PIGU: variants seen among roughly 807,000 people sequenced by gnomAD.
The protein encoded by PIGU is phosphatidylinositol glycan anchor biosynthesis class U, also known as GPI-anchor transamidase component PIGU.
Under a neutral mutation model 49.9 loss-of-function variants are expected in PIGU, and 24 were observed. The observed-to-expected ratio is 0.48, with a 90% CI of 0.35 to 0.68. The LOEUF (loss-of-function observed/expected upper bound fraction) is 0.68. PIGU is among the 30% of genes least tolerant of loss of function. The probability of loss-of-function intolerance (pLI) is 0.01; values close to 1 mark genes in which losing one functional copy is unlikely to be tolerated. For synonymous variants in PIGU, 220 were observed against 205.7 expected, an observed-to-expected ratio of 1.07 and a Z score of -0.59; for missense variants, 490 against 532.6, an observed-to-expected ratio of 0.92 and a Z score of 0.79.
chr20:34,562,863 C>T (rs552488483), intron 11 of PIGU, among the ~76,000 whole-genome samples: 1 of 152,222 alleles, frequency 6.6e-6, no homozygotes, highest in South Asian at 2.1e-4. Context: ...GCAGCCCTTT[C>T]TCACCCAGGC....
chr20:34,613,172 C>A (rs971940475), intron 7 of PIGU, among the ~76,000 whole-genome samples: 1 of 152,094 alleles, frequency 6.6e-6, no homozygotes, highest in African/African-American at 2.4e-5. Flanking sequence ...CTGGTTTGGG[C>A]CCCCAGTTTA....
At chr20:34,569,288 G>T (rs1316980147) in intron 11 of PIGU, among the ~76,000 whole-genome samples, 2 of 152,176 alleles carry the variant, frequency 1.3e-5, no homozygotes, top group Non-Finnish European at 2.9e-5. Flanking sequence ...GGAGTGTAGT[G>T]GCGTGATCTC....
At chr20:34,591,363 A>G (rs1164135431) in intron 7 of PIGU, among the ~76,000 whole-genome samples, 1 of 152,226 alleles carries the variant, frequency 6.6e-6, no homozygotes, top group Non-Finnish European at 1.5e-5. Context: ...CAAATTAGTA[A>G]TCAAATAGAA....
At chr20:34,585,971 C>T (rs985856845) in intron 8 of PIGU, among the ~76,000 whole-genome samples, 10 of 152,108 alleles carry the variant, frequency 6.6e-5, no homozygotes, top group Non-Finnish European at 1.2e-4. Context: ...TAGAGGACCA[C>T]GCTCAAAGAT....
At chr20:34,635,796 AC>A (rs1377991554) in intron 5 of PIGU, among the ~76,000 whole-genome samples, 7 of 151,846 alleles carry the variant, frequency 4.6e-5, no homozygotes, top group Non-Finnish European at 7.4e-5. Context: ...AATGGCTTGA[AC>A]CCGGGAGGCT....
chr20:34,577,367 G>T (rs1983278230), intron 10 of PIGU, among the ~76,000 whole-genome samples: 2 of 152,122 alleles, frequency 1.3e-5, no homozygotes, highest in Admixed American at 6.5e-5. Flanking sequence ...TATACTGGGG[G>T]CTCATGCATT....
At chr20:34,594,666 C>T (rs569771498) in intron 7 of PIGU, among the ~76,000 whole-genome samples, 11 of 152,072 alleles carry the variant, frequency 7.2e-5, no homozygotes, top group African/African-American at 2.7e-4. Context: ...CCCAGCTACT[C>T]GGGAGGCTGG....
chr20:34,615,656 C>T (rs775746731), intron 7 of PIGU, among the ~76,000 whole-genome samples: 20 of 152,214 alleles, frequency 1.3e-4, no homozygotes, highest in Middle Eastern at 3.4e-3. Flanking sequence ...TGAAATCTCA[C>T]GCCGTCCTGC....
In PIGU at chr20:34,575,030, AG is replaced by A. The variant is rs1004567829; in HGVS notation, c.1194+73del. ...TGCACCCCCCGGTATGCAGAATCCA[AG>A]GCCATCGTTGAATGCTTGAGGCTGC... On this transcript the variant is annotated intron_variant, in intron 11 of 11. Coordinates refer to ENST00000217446, the MANE Select transcript of PIGU (RefSeq NM_080476.5). 28 of 1,567,184 alleles carry A rather than the reference AG, an allele frequency of 1.8e-5. 1 individual carries two copies. The African/African-American group carries it at 3.8e-4, about 21-fold the overall frequency.
intron 7 of PIGU, among the ~76,000 whole-genome samples, chr20:34,598,025 T>G (rs1344590917): frequency 1.3e-5 from 2 of 152,042 alleles, no homozygotes; most frequent in African/African-American, 4.8e-5. Context: ...GGCAACATGA[T>G]GAAACCCCAT....
chr20:34,630,747 A>C (rs776479601), intron 6 of PIGU, among the ~76,000 whole-genome samples: 2 of 152,122 alleles, frequency 1.3e-5, no homozygotes, highest in Admixed American at 1.3e-4. Flanking sequence ...CCTAGACTCA[A>C]GCAATCCTTC....
At chr20:34,584,140 C>T (rs1431434543) in intron 9 of PIGU, among the ~76,000 whole-genome samples, 1 of 152,160 alleles carries the variant, frequency 6.6e-6, no homozygotes, top group African/African-American at 2.4e-5. Context: ...TGCTTACTAG[C>T]TGTGTGACTG....
intron 1 of PIGU, among the ~76,000 whole-genome samples, chr20:34,665,735 C>T (rs950334175): frequency 6.6e-6 from 1 of 152,070 alleles, no homozygotes. Context: ...AAACTGTGAC[C>T]TGGTCTGCAG....
rs993561507 is a variant in PIGU at position 34,591,921 on chromosome 20, C to T, written c.628-3314G>A. Among the ~76,000 whole-genome samples the T allele has an allele frequency of 2.0e-5, 3 of 152,204 alleles. No homozygotes were observed. In the South Asian group the frequency reaches 6.2e-4, roughly 31 times the overall value. Reference sequence around the variant, plus strand: ...TTACTTTGGTAGGCCGGCGTGTTGGCTCACGCCTGTAATCCCAGCACTCTG... The same window carrying T: ...TTACTTTGGTAGGCCGGCGTGTTGGTTCACGCCTGTAATCCCAGCACTCTG... On this transcript the variant is annotated intron_variant, in intron 7 of 11. Coordinates refer to ENST00000217446, the MANE Select transcript of PIGU (RefSeq NM_080476.5).
At chr20:34,676,615 G>C (rs1473456466) in intron 1 of PIGU, among the ~76,000 whole-genome samples, 1 of 152,168 alleles carries the variant, frequency 6.6e-6, no homozygotes, top group East Asian at 1.9e-4. Context: ...TCCTCTGCAA[G>C]CCGCGCTCCA....
At chr20:34,651,861 T>G (rs1440844976) in intron 2 of PIGU, among the ~76,000 whole-genome samples, 1 of 151,850 alleles carries the variant, frequency 6.6e-6, no homozygotes, top group Non-Finnish European at 1.5e-5. Context: ...CACAACACTT[T>G]AGGAGGCCGA....
chr20:34,645,846 G>A (rs1439237023), intron 2 of PIGU, among the ~76,000 whole-genome samples: 2 of 152,126 alleles, frequency 1.3e-5, no homozygotes, highest in South Asian at 2.1e-4. Flanking sequence ...GTAGTGAGCC[G>A]AGATCACGCG....
chr20:34,651,206 A>C (rs1032703708), intron 2 of PIGU, among the ~76,000 whole-genome samples: 3 of 152,120 alleles, frequency 2.0e-5, no homozygotes, highest in Admixed American at 6.6e-5. Flanking sequence ...GTCTACCCTT[A>C]CTCCTAGAGT....
intron 1 of PIGU, among the ~76,000 whole-genome samples, chr20:34,672,831 G>T (rs949178344): frequency 7.1e-6 from 1 of 141,754 alleles, no homozygotes; most frequent in African/African-American, 2.5e-5. Flanking sequence ...CTCCAGCCTG[G>T]GAGACAGAGT....
Sources: gnomAD v4.1 joint callset for allele counts (sites outside exome capture counted in the v4.1 genomes callset) on GRCh38, gnomAD v4.1.1 for gene constraint, MANE v1.5 for transcripts, NCBI Gene and HGNC (gene_info 2026-07-23, HGNC 2026-07-21) for gene names.